The following CDK13 variants were observed in gnomAD, a reference collection of about 807,000 sequenced individuals.
CDK13 encodes cyclin-dependent kinase 13.
In CDK13, 40 loss-of-function variants were observed where a neutral mutation model predicts 137.6. That is an observed-to-expected ratio of 0.29 (90% CI 0.23 to 0.38). CDK13 has a LOEUF of 0.38. CDK13 is among the 10% of genes least tolerant of loss of function. CDK13 has a pLI of 1.00. For synonymous variants in CDK13, 869 were observed against 760.1 expected (o/e 1.14, Z -2.36); for missense variants, 1,704 against 1,951.8 (o/e 0.87, Z 2.39).
intron 1 of CDK13, among the ~76,000 whole-genome samples, chr7:39,979,326 C>T (rs1360540078): frequency 2.0e-5 from 3 of 151,012 alleles, no homozygotes. Flanking sequence ...AAGCGATTCT[C>T]CTGCCTCAGC....
intron 9 of CDK13, chr7:40,069,256 C>T (rs11760551): frequency 0.12 from 52,114 of 443,566 alleles, 3,757 homozygotes; most frequent in Admixed American, 0.21. Context: ...AATAAAACAA[C>T]AAAACATAAA....
intron 9 of CDK13, among the ~76,000 whole-genome samples, chr7:40,063,937 G>A (rs1786213716): frequency 6.6e-6 from 1 of 151,966 alleles, no homozygotes; most frequent in Non-Finnish European, 1.5e-5. Context: ...TGTGATTACA[G>A]GCATGAGCCA....
At chr7:40,031,828 GTTA>G (rs34654098) in intron 5 of CDK13, among the ~76,000 whole-genome samples, 53,507 of 138,850 alleles carry the variant, frequency 0.39, 11,361 homozygotes, top group South Asian at 0.51. Context: ...TATTATTATT[GTTA>G]TTATTATTAT....
chr7:40,026,860 T>G (rs1785254137), intron 5 of CDK13, among the ~76,000 whole-genome samples: 1 of 152,240 alleles, frequency 6.6e-6, no homozygotes, highest in Non-Finnish European at 1.5e-5. Flanking sequence ...TTCAAGATAT[T>G]TCATTAGCTT....
chr7:39,982,468 G>A (rs1168056887), intron 1 of CDK13, among the ~76,000 whole-genome samples: 11 of 152,058 alleles, frequency 7.2e-5, no homozygotes, highest in Admixed American at 4.6e-4. Flanking sequence ...TAGTGCCGCA[G>A]TAAACATACA....
At position 39,968,866 on chromosome 7, in the gene CDK13, C is replaced by G. The variant is rs139747338; in HGVS notation, c.1211+17014C>G. On this transcript the variant is annotated intron_variant, in intron 1 of 13. Coordinates refer to ENST00000181839, the MANE Select transcript of CDK13 (RefSeq NM_003718.5). The stretch of plus-strand genomic sequence containing the variant: ...GACCCCCAACACAGACTGAACCAAA[C>G]TACTCTTACTTCTTACCGTATATCC... Among the ~76,000 whole-genome samples the G allele has an allele frequency of 2.4e-4, 36 of 152,330 alleles. 2 individuals carry two copies. The East Asian group carries it at 6.7e-3, about 29-fold the overall frequency.
chr7:40,068,199 A>G (rs1786325973), intron 9 of CDK13, among the ~76,000 whole-genome samples: 1 of 152,072 alleles, frequency 6.6e-6, no homozygotes, highest in Non-Finnish European at 1.5e-5. Context: ...CAGAAAAATG[A>G]TGGGAGCTAA....
chr7:39,982,122 G>A (rs1368008607), intron 1 of CDK13, among the ~76,000 whole-genome samples: 2 of 149,634 alleles, frequency 1.3e-5, no homozygotes, highest in Non-Finnish European at 3.0e-5. Flanking sequence ...CCATTAACTC[G>A]TCATTTAGCA....
chr7:40,001,031 ACTG>A (rs1402534910), intron 4 of CDK13, among the ~76,000 whole-genome samples: 1 of 152,212 alleles, frequency 6.6e-6, no homozygotes, highest in African/African-American at 2.4e-5. Context: ...TTCCAGTTTT[ACTG>A]CTAGGTAACT....
chr7:40,089,731 T>A (rs1051554160), intron 12 of CDK13, among the ~76,000 whole-genome samples: 6 of 128,382 alleles, frequency 4.7e-5, no homozygotes, highest in East Asian at 4.1e-4. Flanking sequence ...AGAGTGTGTG[T>A]GTGTGTGTGT....
chr7:40,019,786 G>T (rs886773007), intron 5 of CDK13, among the ~76,000 whole-genome samples: 1 of 152,172 alleles, frequency 6.6e-6, no homozygotes, highest in African/African-American at 2.4e-5. Context: ...CTTTTAAACC[G>T]TATGGGAATC....
chr7:39,987,358 C>T (rs1583949477), intron 1 of CDK13, among the ~76,000 whole-genome samples: 3 of 152,072 alleles, frequency 2.0e-5, no homozygotes, highest in South Asian at 2.1e-4. Flanking sequence ...TCACATTTTT[C>T]GTCCTAATTT....
chr7:40,070,635 C>T (rs1786399409), intron 9 of CDK13: 1 of 152,140 alleles, frequency 6.6e-6, no homozygotes, highest in African/African-American at 2.4e-5. Flanking sequence ...TCGCTTGAAC[C>T]TGGAAGGTGG....
chr7:40,023,367 C>T (rs1785169944), intron 5 of CDK13, among the ~76,000 whole-genome samples: 1 of 152,046 alleles, frequency 6.6e-6, no homozygotes, highest in Non-Finnish European at 1.5e-5. Context: ...GCCCTGCAAA[C>T]TTCTGATTAT....
chr7:40,051,224 CCTATCA>C (rs923233438), intron 7 of CDK13, among the ~76,000 whole-genome samples: 1 of 151,274 alleles, frequency 6.6e-6, no homozygotes, highest in African/African-American at 2.4e-5. Context: ...GAGCAAATAT[CCTATCA>C]TTATGGGGTT....
At chr7:39,966,005 T>C (rs532525292) in intron 1 of CDK13, among the ~76,000 whole-genome samples, 1 of 152,368 alleles carries the variant, frequency 6.6e-6, no homozygotes, top group Non-Finnish European at 1.5e-5. Flanking sequence ...TCTGATGGGC[T>C]TCCCTTTGTG....
chr7:40,018,441 G>A (rs1455289740), intron 5 of CDK13, among the ~76,000 whole-genome samples: 1 of 152,056 alleles, frequency 6.6e-6, no homozygotes, highest in African/African-American at 2.4e-5. Context: ...CATTATATCA[G>A]AAAGACACGT....
intron 4 of CDK13, among the ~76,000 whole-genome samples, chr7:39,999,790 T>C (rs1784645653): frequency 1.3e-5 from 2 of 152,236 alleles, no homozygotes; most frequent in South Asian, 4.1e-4. Context: ...TCTTATACTG[T>C]TATTAATCAG....
intron 9 of CDK13, among the ~76,000 whole-genome samples, chr7:40,068,159 T>C (rs1786324967): frequency 6.6e-6 from 1 of 151,676 alleles, no homozygotes. Flanking sequence ...TAGCAAATAG[T>C]ATCCAGCTTT....
Sources: allele counts gnomAD v4.1 joint callset (sites outside exome capture counted in the v4.1 genomes callset), GRCh38; gene constraint gnomAD v4.1.1; transcripts MANE v1.5; gene names NCBI Gene and HGNC (gene_info 2026-07-23, HGNC 2026-07-21).